The following DIP2C variants were observed in gnomAD, a reference collection of about 807,000 sequenced individuals.
DIP2C encodes the protein DIP2 acetate--CoA ligase C (putative).
DIP2C carries 33 observed loss-of-function variants against 192.4 expected under a neutral mutation model. The ratio of observed to expected loss-of-function variants is 0.17; its 90% CI spans 0.13 to 0.23. The LOEUF is 0.23. Among genes scored for constraint, DIP2C ranks in the 10% least tolerant of loss-of-function variants. The probability of loss-of-function intolerance (pLI) is 1.00; values close to 1 mark genes in which losing one functional copy is unlikely to be tolerated. For missense variants in DIP2C, 1,537 were observed against 2,110.1 expected, an observed-to-expected ratio of 0.73 and a Z score of 5.32; for synonymous variants, 979 against 864.1, an observed-to-expected ratio of 1.13 and a Z score of -2.33.
At chr10:598,985 C>T (rs1363461126) in intron 1 of DIP2C, among the ~76,000 whole-genome samples, 1 of 152,250 alleles carries the variant, frequency 6.6e-6, no homozygotes, top group Non-Finnish European at 1.5e-5. Flanking sequence ...GAGGCACAGG[C>T]ACGGCCCCCG....
intron 1 of DIP2C, among the ~76,000 whole-genome samples, chr10:494,652 A>G (rs1294662933): frequency 6.6e-6 from 1 of 152,202 alleles, no homozygotes; most frequent in Non-Finnish European, 1.5e-5. Flanking sequence ...AGCATGAGAA[A>G]GGAAAGCTCA....
rs188715490 is a variant in DIP2C, at chr10:296,754, T to C, written c.3987-8333A>G. 6.6e-3 allele frequency among the ~76,000 whole-genome samples: 1,008 copies of C among 151,752 alleles called. 31 individuals are homozygous for C. Among genetic ancestry groups the C allele is most frequent in the Admixed American group, 0.057 (865 of 15,234 alleles). ...TTCTTTGTAGGAACATGGAGGAAGGTAGAAACCATCATTCTCAGCAAACTA... is the reference window on the plus strand; with the variant it reads ...TTCTTTGTAGGAACATGGAGGAAGGCAGAAACCATCATTCTCAGCAAACTA... On this transcript the variant is annotated intron_variant, in intron 32 of 36. Transcript: ENST00000280886.
chr10:320,463 A>G (rs1404415920), intron 31 of DIP2C, among the ~76,000 whole-genome samples: 3 of 150,890 alleles, frequency 2.0e-5, no homozygotes, highest in Non-Finnish European at 4.4e-5. Flanking sequence ...AGCCGAGATC[A>G]TGCCATTACA....
intron 35 of DIP2C, 22 bp from the exon 36 acceptor site, chr10:281,345 C>A (rs753424887): frequency 2.6e-5 from 42 of 1,588,986 alleles, no homozygotes; most frequent in Non-Finnish European, 3.4e-5. Context: ...TGACAGCCTG[C>A]GTAAGCTTCC....
At chr10:542,805 T>A (rs1331985720) in intron 1 of DIP2C, among the ~76,000 whole-genome samples, 1 of 151,676 alleles carries the variant, frequency 6.6e-6, no homozygotes, top group East Asian at 1.9e-4. Flanking sequence ...CCAGTTCTTA[T>A]CAGATTGGGG....
chr10:522,068 C>T (rs935415057), intron 1 of DIP2C, among the ~76,000 whole-genome samples: 1 of 152,056 alleles, frequency 6.6e-6, no homozygotes, highest in South Asian at 2.1e-4. Context: ...CCTAAACAGC[C>T]CCTATGCTCC....
intron 29 of DIP2C, among the ~76,000 whole-genome samples, chr10:340,218 G>C (rs7074875): frequency 6.6e-6 from 1 of 151,916 alleles, no homozygotes; most frequent in African/African-American, 2.4e-5. Flanking sequence ...TAAATTTTGA[G>C]AAAATCATAA....
intron 28 of DIP2C, among the ~76,000 whole-genome samples, chr10:342,588 T>C (rs1196210529): frequency 2.0e-5 from 3 of 152,210 alleles, no homozygotes; most frequent in Non-Finnish European, 2.9e-5. Flanking sequence ...CTGTGCAGCA[T>C]GTGGCCAGCA....
chr10:411,633 T>G (rs1028231942), intron 8 of DIP2C, among the ~76,000 whole-genome samples: 1 of 152,152 alleles, frequency 6.6e-6, no homozygotes, highest in Non-Finnish European at 1.5e-5. Flanking sequence ...TTACTCAGTA[T>G]TAGAACAATT....
intron 1 of DIP2C, among the ~76,000 whole-genome samples, chr10:602,924 A>G (rs1227939886): frequency 6.6e-6 from 1 of 152,104 alleles, no homozygotes; most frequent in Non-Finnish European, 1.5e-5. Flanking sequence ...TCTCAACACA[A>G]CAGTGGTGAT....
intron 1 of DIP2C, among the ~76,000 whole-genome samples, chr10:582,651 A>G (rs1055894016): frequency 1.3e-5 from 2 of 152,198 alleles, no homozygotes; most frequent in Admixed American, 6.5e-5. Flanking sequence ...ACCGCAGAAG[A>G]CTAGAGAATG....
chr10:277,060 AAG>A lies in DIP2C; in HGVS notation c.*263_*264del, dbSNP rs1256985573. ...AATAATTAAAAAAGAAAGAAAAGAA[AAG>A]AAAGTTTTGAAATGGGCTTTTCCAA... On this transcript the variant is annotated 3_prime_UTR_variant, in exon 37 of 37. Transcript: ENST00000280886. The A allele has an allele frequency of 1.1e-4, 27 of 255,786 alleles. No homozygotes were observed. The highest frequency in any genetic ancestry group is 8.3e-4 in the East Asian group (17 of 20,408). The allele number at this position is 255,786 out of a possible 1,614,324, so 15.8% of individuals were successfully genotyped here.
chr10:582,239 C>A (rs772733650), intron 1 of DIP2C, among the ~76,000 whole-genome samples: 64 of 152,316 alleles, frequency 4.2e-4, no homozygotes, highest in Non-Finnish European at 7.3e-4. Flanking sequence ...AGCACCCACA[C>A]CAGCCCAGGT....
chr10:493,689 G>A (rs1041118006), intron 1 of DIP2C, among the ~76,000 whole-genome samples: 1 of 152,194 alleles, frequency 6.6e-6, no homozygotes, highest in Non-Finnish European at 1.5e-5. Flanking sequence ...GATTGGGAGG[G>A]AACATGAGCA....
At chr10:354,601 C>G (rs976709001) in intron 24 of DIP2C, among the ~76,000 whole-genome samples, 1 of 152,160 alleles carries the variant, frequency 6.6e-6, no homozygotes, top group Non-Finnish European at 1.5e-5. Context: ...TGTGCAACCC[C>G]CACACATGGG....
At chr10:514,889 G>A (rs901541843) in intron 1 of DIP2C, among the ~76,000 whole-genome samples, 7 of 152,154 alleles carry the variant, frequency 4.6e-5, no homozygotes, top group Admixed American at 1.3e-4. Flanking sequence ...TAAAATTCTA[G>A]GTGCCTGCAA....
intron 10 of DIP2C, among the ~76,000 whole-genome samples, chr10:391,406 C>G (rs1398712269): frequency 6.6e-6 from 1 of 152,248 alleles, no homozygotes; most frequent in African/African-American, 2.4e-5. Context: ...CCAGTCTCAA[C>G]GAACTAACTG....
At chr10:579,713 C>T (rs559069352) in intron 1 of DIP2C, among the ~76,000 whole-genome samples, 1 of 152,120 alleles carries the variant, frequency 6.6e-6, no homozygotes, top group East Asian at 1.9e-4. Flanking sequence ...ATAGTGTACA[C>T]ACATCCATAT....
intron 17 of DIP2C, among the ~76,000 whole-genome samples, chr10:379,378 C>T (rs554878575): frequency 7.9e-5 from 12 of 152,260 alleles, no homozygotes; most frequent in African/African-American, 2.6e-4. Context: ...AACTTTCCGA[C>T]ATGCTCTGTT....
Sources: allele counts gnomAD v4.1 joint callset (sites outside exome capture counted in the v4.1 genomes callset), GRCh38; gene constraint gnomAD v4.1.1; transcripts MANE v1.5; gene names NCBI Gene and HGNC (gene_info 2026-07-23, HGNC 2026-07-21).